The following SLC7A8 variants were observed in gnomAD, a reference collection of about 807,000 sequenced individuals.
The protein encoded by SLC7A8 is large neutral amino acids transporter small subunit 2.
Under a neutral mutation model 51.2 loss-of-function variants are expected in SLC7A8, and 30 were observed. The observed-to-expected ratio is 0.59, with a 90% CI of 0.44 to 0.80. The LOEUF (loss-of-function observed/expected upper bound fraction) is 0.80. Ranked by LOEUF, SLC7A8 falls within the 30% of genes least tolerant of loss-of-function variation. The pLI is 0.00. For synonymous variants in SLC7A8, 257 were observed against 275.8 expected (o/e 0.93, Z 0.67); for missense variants, 612 against 674.4 (o/e 0.91, Z 1.03).
At chr14:23,135,659 G>T (rs546772847) in intron 7 of SLC7A8, among the ~76,000 whole-genome samples, 2 of 151,474 alleles carry the variant, frequency 1.3e-5, no homozygotes, top group African/African-American at 4.9e-5. Flanking sequence ...CCAAGATTGC[G>T]CCACTGCACT....
At chr14:23,142,284 C>T (rs966114791) in intron 4 of SLC7A8, among the ~76,000 whole-genome samples, 5 of 152,160 alleles carry the variant, frequency 3.3e-5, no homozygotes, top group African/African-American at 1.2e-4. Flanking sequence ...CCAAATATAG[C>T]CTCAGGCTTG....
intron 3 of SLC7A8, among the ~76,000 whole-genome samples, chr14:23,147,225 C>T (rs573572582): frequency 8.5e-4 from 130 of 152,170 alleles, no homozygotes; most frequent in African/African-American, 2.9e-3. Context: ...ATCTATCCAT[C>T]CATCCATCTG....
intron 1 of SLC7A8, among the ~76,000 whole-genome samples, chr14:23,181,964 G>C (rs898363280): frequency 2.0e-5 from 3 of 152,182 alleles, no homozygotes; most frequent in Non-Finnish European, 4.4e-5. Context: ...GGCCACCCAG[G>C]TTCCCCACCT....
At chr14:23,180,944 G>A (rs761301196) in intron 1 of SLC7A8, among the ~76,000 whole-genome samples, 3 of 152,130 alleles carry the variant, frequency 2.0e-5, no homozygotes, top group East Asian at 1.9e-4. Context: ...GGAGAATGGC[G>A]TGAACCCGGG....
intron 1 of SLC7A8, among the ~76,000 whole-genome samples, chr14:23,179,906 CTT>C (rs33938109): frequency 6.9e-4 from 91 of 131,052 alleles, no homozygotes; most frequent in African/African-American, 1.2e-3. Flanking sequence ...CTCTTTTTGA[CTT>C]TTTTTTTTTT....
intron 3 of SLC7A8, chr14:23,155,580 G>T: frequency 2.1e-6 from 2 of 974,176 alleles, no homozygotes; most frequent in Non-Finnish European, 2.6e-6. Context: ...GGGGAGAAGC[G>T]AAAAACTGGA....
intron 3 of SLC7A8, among the ~76,000 whole-genome samples, chr14:23,160,353 C>T (rs144174973): frequency 6.1e-4 from 93 of 152,156 alleles, no homozygotes; most frequent in African/African-American, 2.1e-3. Flanking sequence ...GGGTGGATCA[C>T]GAGGTCAGGA....
intron 1 of SLC7A8, among the ~76,000 whole-genome samples, chr14:23,167,583 A>C (rs1009798651): frequency 1.3e-4 from 20 of 152,064 alleles, no homozygotes; most frequent in Admixed American, 3.9e-4. Context: ...ACGAGGAGTA[A>C]GAGTGTGGAG....
intron 1 of SLC7A8, among the ~76,000 whole-genome samples, chr14:23,172,254 G>A (rs1156476441): frequency 6.6e-6 from 1 of 152,184 alleles, no homozygotes; most frequent in Non-Finnish European, 1.5e-5. Context: ...TTGCTTTGGA[G>A]GCTTGGCTCC....
intron 1 of SLC7A8, among the ~76,000 whole-genome samples, chr14:23,173,348 T>G (rs1375938944): frequency 6.6e-6 from 1 of 151,708 alleles, no homozygotes; most frequent in Non-Finnish European, 1.5e-5. Flanking sequence ...GAGAGGGGAG[T>G]GTCAGACTGA....
At chr14:23,147,934 G>A (rs952745327) in intron 3 of SLC7A8, among the ~76,000 whole-genome samples, 2 of 152,210 alleles carry the variant, frequency 1.3e-5, no homozygotes, top group Non-Finnish European at 2.9e-5. Context: ...GACTGGCAGA[G>A]GGATTCAGAG....
chr14:23,140,763 T>C lies in SLC7A8; in HGVS notation c.635-139A>G, dbSNP rs144472418. The C allele has an allele frequency of 7.4e-4, 577 of 778,102 alleles. No individual in the cohort carries two copies. In the African/African-American group the frequency reaches 9.5e-3, roughly 13 times the overall value. 48.2% of individuals were successfully genotyped at this position (778,102 alleles called of 1,614,324 possible). A position where few individuals can be genotyped will look rare whatever the true frequency, so the allele number is the denominator to read the frequency against. On this transcript the variant is annotated intron_variant, in intron 4 of 10. Transcript: ENST00000316902. ...TCTTGTCTCCAGTGAACCCAACATA[T>C]TGGATAAATTGGGATAAAGGGAGCA...
At chr14:23,158,636 G>A (rs983305184) in intron 3 of SLC7A8, among the ~76,000 whole-genome samples, 1 of 152,232 alleles carries the variant, frequency 6.6e-6, no homozygotes, top group African/African-American at 2.4e-5. Flanking sequence ...AAGCCACCGC[G>A]CCCGGCCGAC....
chr14:23,163,510 C>G (rs2048934472), intron 3 of SLC7A8, among the ~76,000 whole-genome samples: 1 of 152,210 alleles, frequency 6.6e-6, no homozygotes, highest in South Asian at 2.1e-4. Context: ...TTGACCAGCA[C>G]TGCCAAAGAG....
At chr14:23,174,584 T>G (rs901071016) in intron 1 of SLC7A8, among the ~76,000 whole-genome samples, 2 of 152,246 alleles carry the variant, frequency 1.3e-5, no homozygotes, top group Admixed American at 1.3e-4. Flanking sequence ...TAAAATAGAC[T>G]TGAGGGATTA....
chr14:23,140,684 T>G, intron 4 of SLC7A8, 60 bp from the exon 5 acceptor site: 1 of 1,534,550 alleles, frequency 6.5e-7, no homozygotes, highest in Non-Finnish European at 8.9e-7. Context: ...CAGCAGCCCC[T>G]GGCCTGCCCT....
At chr14:23,182,313 C>A (rs1351646234) in intron 1 of SLC7A8, among the ~76,000 whole-genome samples, 3 of 152,182 alleles carry the variant, frequency 2.0e-5, no homozygotes, top group African/African-American at 4.8e-5. Context: ...TAATACCTAT[C>A]CCATAGTTTC....
chr14:23,154,265 C>G, intron 3 of SLC7A8: 1 of 1,000,298 alleles, frequency 1.0e-6, no homozygotes, highest in Non-Finnish European at 1.2e-6. Flanking sequence ...TCACCTTTTG[C>G]TGGGGCGTTC....
intron 3 of SLC7A8, among the ~76,000 whole-genome samples, chr14:23,161,183 A>G (rs1181109044): frequency 6.6e-6 from 1 of 150,594 alleles, no homozygotes; most frequent in Non-Finnish European, 1.5e-5. Flanking sequence ...CCACCTCTCC[A>G]CCCCCACCAC....
Sources: gnomAD v4.1 joint callset for allele counts (sites outside exome capture counted in the v4.1 genomes callset) on GRCh38, gnomAD v4.1.1 for gene constraint, MANE v1.5 for transcripts, NCBI Gene and HGNC (gene_info 2026-07-23, HGNC 2026-07-21) for gene names.